Variants in CNTN5 observed in about 807,000 individuals in gnomAD.
CNTN5 encodes the protein contactin-5.
CNTN5 carries 77 observed loss-of-function variants against 129.1 expected under a neutral mutation model. That is an observed-to-expected ratio of 0.60 (90% CI 0.50 to 0.72). CNTN5 has a LOEUF of 0.72. Ranked by LOEUF, CNTN5 falls within the 30% of genes least tolerant of loss-of-function variation. The pLI, the probability that CNTN5 is intolerant of heterozygous loss-of-function variation, is 0.00. For missense variants in CNTN5, 1,478 were observed against 1,328.8 expected, an observed-to-expected ratio of 1.11 and a Z score of -1.75; for synonymous variants, 509 against 465.6, an observed-to-expected ratio of 1.09 and a Z score of -1.20.
chr11:100,193,902 C>T (rs566471001), intron 15 of CNTN5, among the ~76,000 whole-genome samples: 79 of 151,784 alleles, frequency 5.2e-4, no homozygotes, highest in Non-Finnish European at 9.1e-4. Context: ...GTTTCTTTGC[C>T]ACCTTTGTTT....
intron 8 of CNTN5, among the ~76,000 whole-genome samples, chr11:99,961,631 C>T (rs1034646633): frequency 3.9e-5 from 6 of 152,152 alleles, no homozygotes; most frequent in African/African-American, 7.2e-5. Flanking sequence ...ACACACTGAA[C>T]AACTATTTCA....
In CNTN5 at chr11:99,637,048, G is replaced by C. The variant is rs11220772; in HGVS notation, c.55+80779G>C. ...AAAAAAAAAAAAAAAAAAAGTAAAT[G>C]ACTCTGTATTGCAGAATAGGCACTG... On this transcript the variant is annotated intron_variant, in intron 3 of 24. Coordinates refer to ENST00000524871, the MANE Select transcript of CNTN5 (RefSeq NM_014361.4). 1.1e-4 allele frequency among the ~76,000 whole-genome samples: 9 copies of C among 83,662 alleles called. 4 individuals are homozygous for C. The highest frequency in any genetic ancestry group is 1.9e-4 in the Non-Finnish European group (8 of 43,020). The allele number at this position is 83,662 out of a possible 152,430, so 54.9% of individuals were successfully genotyped here.
At chr11:100,337,297 C>T in intron 21 of CNTN5, 1 of 1,114,574 alleles carries the variant, frequency 9.0e-7, no homozygotes, top group Non-Finnish European at 1.4e-6. Context: ...AAATCATGCT[C>T]CTGGAGGATA....
intron 13 of CNTN5, among the ~76,000 whole-genome samples, chr11:100,164,722 A>T (rs924863731): frequency 6.6e-6 from 1 of 151,862 alleles, no homozygotes; most frequent in African/African-American, 2.4e-5. Context: ...GTAACAGATG[A>T]CTAATATGAT....
At chr11:99,671,033 T>A (rs930406235) in intron 3 of CNTN5, among the ~76,000 whole-genome samples, 3 of 152,196 alleles carry the variant, frequency 2.0e-5, no homozygotes, top group Non-Finnish European at 4.4e-5. Flanking sequence ...GCTCTCATTT[T>A]AAATATCATT....
At chr11:99,510,459 T>A (rs1175568253) in intron 2 of CNTN5, among the ~76,000 whole-genome samples, 1 of 152,304 alleles carries the variant, frequency 6.6e-6, no homozygotes, top group East Asian at 1.9e-4. Flanking sequence ...ATGTCTACAA[T>A]CTTGTTAACA....
intron 1 of CNTN5, among the ~76,000 whole-genome samples, chr11:99,152,833 G>T (rs571910335): frequency 6.6e-6 from 1 of 152,178 alleles, no homozygotes; most frequent in African/African-American, 2.4e-5. Flanking sequence ...TTTAAGGCAG[G>T]TCTGGTGCTA....
chr11:99,983,114 A>G (rs11222174), intron 8 of CNTN5, among the ~76,000 whole-genome samples: 8,624 of 133,276 alleles, frequency 0.065, 279 homozygotes, highest in Non-Finnish European at 0.085. Flanking sequence ...ACAAGTAAAC[A>G]ACATTAAAAT....
intron 3 of CNTN5, among the ~76,000 whole-genome samples, chr11:99,583,152 C>T (rs2851603): frequency 0.91 from 137,925 of 151,990 alleles, 62,727 homozygotes; most frequent in East Asian, 1. Flanking sequence ...ATTGGTGAAC[C>T]GTAAATGCTG....
chr11:99,919,036 C>T (rs769212155), intron 7 of CNTN5, among the ~76,000 whole-genome samples: 1 of 152,164 alleles, frequency 6.6e-6, no homozygotes, highest in East Asian at 1.9e-4. Flanking sequence ...GACACAGTAG[C>T]AGGGATAAGC....
At chr11:99,958,382 G>A (rs547301631) in intron 8 of CNTN5, among the ~76,000 whole-genome samples, 7 of 152,300 alleles carry the variant, frequency 4.6e-5, no homozygotes, top group African/African-American at 1.4e-4. Context: ...TTCATTGAAT[G>A]GGCGATGATT....
chr11:99,683,226 G>C (rs1019968562), intron 3 of CNTN5, among the ~76,000 whole-genome samples: 6 of 151,656 alleles, frequency 4.0e-5, no homozygotes, highest in Non-Finnish European at 7.4e-5. Context: ...CTTCACCGCA[G>C]CTCATAAAGA....
chr11:99,806,433 AGT>A lies in CNTN5; in HGVS notation c.56-13100_56-13099del, dbSNP rs1217304935. Among the ~76,000 whole-genome samples, 2 of 152,104 alleles carry A rather than the reference AGT, an allele frequency of 1.3e-5. 1 individual carries two copies. Among genetic ancestry groups the A allele is most frequent in the East Asian group, 3.9e-4 (2 of 5,182 alleles). On this transcript the variant is annotated intron_variant, in intron 3 of 24. Coordinates refer to ENST00000524871, the MANE Select transcript of CNTN5 (RefSeq NM_014361.4). ...TATATAAATACTATGTATGTGAGTG[AGT>A]GTGTGTGTGTATTGTCTTTAGAGTT...
intron 1 of CNTN5, among the ~76,000 whole-genome samples, chr11:99,034,489 T>C (rs979987756): frequency 1.2e-4 from 18 of 151,752 alleles, no homozygotes; most frequent in South Asian, 2.1e-4. Flanking sequence ...CTTCCTGGTT[T>C]AGTCTTGGGA....
intron 7 of CNTN5, among the ~76,000 whole-genome samples, chr11:99,924,155 C>T (rs181586945): frequency 3.9e-5 from 6 of 152,200 alleles, no homozygotes; most frequent in African/African-American, 9.6e-5. Flanking sequence ...TATCTCATTG[C>T]GGTTTTCATT....
intron 3 of CNTN5, among the ~76,000 whole-genome samples, chr11:99,797,727 G>GT (rs1945990734): frequency 6.6e-6 from 1 of 151,996 alleles, no homozygotes; most frequent in African/African-American, 2.4e-5. Flanking sequence ...CGTTCTGCAG[G>GT]TTGTTTACTC....
intron 2 of CNTN5, among the ~76,000 whole-genome samples, chr11:99,507,421 T>A (rs1946668930): frequency 6.7e-6 from 1 of 149,510 alleles, no homozygotes; most frequent in African/African-American, 2.5e-5. Flanking sequence ...ACAATAGTCA[T>A]CCCATTAAAT....
chr11:100,322,856 T>C (rs1012014793), intron 21 of CNTN5, among the ~76,000 whole-genome samples: 2 of 152,186 alleles, frequency 1.3e-5, no homozygotes, highest in African/African-American at 4.8e-5. Flanking sequence ...TTTTTAAAAA[T>C]ATCTGATATA....
At chr11:99,460,849 C>A (rs1944671628) in intron 2 of CNTN5, among the ~76,000 whole-genome samples, 2 of 151,904 alleles carry the variant, frequency 1.3e-5, no homozygotes, top group Non-Finnish European at 1.5e-5. Flanking sequence ...AATACATATA[C>A]CTCCCAAACG....
Sources: allele counts gnomAD v4.1 joint callset (sites outside exome capture counted in the v4.1 genomes callset), GRCh38; gene constraint gnomAD v4.1.1; transcripts MANE v1.5; gene names NCBI Gene and HGNC (gene_info 2026-07-23, HGNC 2026-07-21).